Variants in PLXND1 observed in about 807,000 individuals in gnomAD.
The protein encoded by PLXND1 is plexin D1, also known as plexin-D1.
Under a neutral mutation model 197.7 loss-of-function variants are expected in PLXND1, and 54 were observed. The ratio of observed to expected loss-of-function variants is 0.27; its 90% CI spans 0.22 to 0.34. PLXND1 has a LOEUF of 0.34. PLXND1 is among the 10% of genes least tolerant of loss of function. PLXND1 has a pLI of 1.00. For synonymous variants in PLXND1, 1,180 were observed against 1,161.2 expected (o/e 1.02, Z -0.33); for missense variants, 2,127 against 2,699.2 (o/e 0.79, Z 4.70).
rs2084992222 is a variant in PLXND1, at chr3:129,557,503, G to A, written c.5446-280C>T. Among the ~76,000 whole-genome samples, 1 of 152,132 alleles carries A rather than the reference G, an allele frequency of 6.6e-6. No homozygotes were observed. The highest frequency in any genetic ancestry group is 2.1e-4 in the South Asian group (1 of 4,818). On this transcript the variant is annotated intron_variant, in intron 33 of 35. Transcript: ENST00000324093. The surrounding 1 kb of genome is among the most constrained non-coding windows in gnomAD (Gnocchi z 4.8). The stretch of plus-strand genomic sequence containing the variant: ...ACTTCTTTCAGGGGAAAAGTGCACG[G>A]GCATGCCAGCTCTTCACTGCACGCA...
chr3:129,563,876 T>G (rs1203674972), intron 25 of PLXND1, among the ~76,000 whole-genome samples: 1 of 152,212 alleles, frequency 6.6e-6, no homozygotes, highest in Admixed American at 6.5e-5. Flanking sequence ...AAAAATTGAT[T>G]TAAAGAAAAA....
chr3:129,564,521 G>A (rs956320425), intron 25 of PLXND1, among the ~76,000 whole-genome samples: 2 of 152,200 alleles, frequency 1.3e-5, no homozygotes, highest in African/African-American at 2.4e-5. Context: ...CCGAGGCCCC[G>A]GTTCTGGGCT....
chr3:129,589,306 A>AGGCGGG, intron 2 of PLXND1, 45 bp downstream of exon 2: 1 of 677,830 alleles, frequency 1.5e-6, no homozygotes. Context: ...CTCCCAGGGG[A>AGGCGGG]GCCTCCCACC....
chr3:129,563,878 A>G (rs777364561), intron 25 of PLXND1, among the ~76,000 whole-genome samples: 3 of 152,268 alleles, frequency 2.0e-5, no homozygotes, highest in Non-Finnish European at 4.4e-5. Context: ...AAATTGATTT[A>G]AAGAAAAATT....
At chr3:129,570,742 G>A in intron 19 of PLXND1, 44 bp downstream of exon 19, 1 of 1,598,732 alleles carries the variant, frequency 6.3e-7, no homozygotes, top group Non-Finnish European at 8.6e-7. Flanking sequence ...GATGGGCCAG[G>A]GGTGGGGCCA....
At chr3:129,597,926 G>A (rs1377152781) in intron 1 of PLXND1, among the ~76,000 whole-genome samples, 2 of 152,188 alleles carry the variant, frequency 1.3e-5, no homozygotes, top group Non-Finnish European at 2.9e-5. Flanking sequence ...AGGCCCTCGG[G>A]AGTTACCTGG....
chr3:129,592,427 G>A (rs989669815), intron 1 of PLXND1, among the ~76,000 whole-genome samples: 1 of 152,258 alleles, frequency 6.6e-6, no homozygotes, highest in East Asian at 1.9e-4. Flanking sequence ...CTCCCACCAA[G>A]GGAACATAAG....
At chr3:129,593,630 A>G (rs751186171) in intron 1 of PLXND1, among the ~76,000 whole-genome samples, 3 of 152,230 alleles carry the variant, frequency 2.0e-5, no homozygotes, top group Non-Finnish European at 2.9e-5. Flanking sequence ...AATTTTGACT[A>G]AAGTGTGAAC....
chr3:129,584,153 G>A lies in PLXND1; in HGVS notation c.2110C>T (p.Arg704Cys), dbSNP rs374324498. 4.3e-5 allele frequency: 68 copies of A among 1,567,702 alleles called. No homozygotes were observed. In the African/African-American group the frequency reaches 5.3e-4, roughly 12 times the overall value. Reference sequence around the variant, plus strand: ...GTGTGGGGGTACACTTGTGCAGTGCGGCTGCAGTCGTAGATGGTGAAATTG... The same window carrying A: ...GTGTGGGGGTACACTTGTGCAGTGCAGCTGCAGTCGTAGATGGTGAAATTG... ...KANFTIYDCSRTAQVYPHTAC... is the reference protein window; with the variant it reads ...KANFTIYDCSCTAQVYPHTAC... Residue 704 changes from arginine (R) to cysteine (C), a missense_variant, in exon 7 of 36, where the codon CGC becomes TGC. Around this residue, in one of 6 missense-constraint regions of PLXND1, gnomAD observed 1,095 missense variants for 1,259.8 expected, o/e 0.87. Transcript: ENST00000324093.
intron 9 of PLXND1, 136 bp from the exon 10 acceptor site, chr3:129,575,991 C>A: frequency 1.5e-6 from 1 of 650,834 alleles, no homozygotes; most frequent in Non-Finnish European, 2.8e-6. Context: ...TTTGCATGGG[C>A]TGTCCCGTCC....
chr3:129,606,357 C>G lies in PLXND1; in HGVS notation c.283G>C (p.Val95Leu). The change falls in exon 1 of 36, where the codon GTG becomes CTG. Residue 95 changes from valine (V) to leucine (L), a missense_variant. Transcript: ENST00000324093. ...AGCGGGCTGTCGGGCACCGGGCCCA[C>G]GGCCGCCTCGGCCTCCAGGCTCAGG... ...ANLSLEAEAA[V>L]GPVPDSPLCH... The G allele has an allele frequency of 6.8e-7, 1 of 1,469,504 alleles. No homozygotes were observed. The highest frequency in any genetic ancestry group is 8.9e-7 in the Non-Finnish European group (1 of 1,119,554). The allele number at this position is 1,469,504 out of a possible 1,614,324, so 91.0% of individuals were successfully genotyped here.
rs1486073839 is a variant in PLXND1, at chr3:129,577,545, T to G, written c.2346+784A>C. Reference sequence around the variant, plus strand: ...ACGAGGCTTCCCGACACATCCCAGATGCCCGGCACGTGGCCACCACGTGTG... The same window carrying G: ...ACGAGGCTTCCCGACACATCCCAGAGGCCCGGCACGTGGCCACCACGTGTG... On this transcript the variant is annotated intron_variant, in intron 9 of 35. Coordinates refer to ENST00000324093, the MANE Select transcript of PLXND1 (RefSeq NM_015103.3). This position sits in a 1 kb window ranked among gnomAD's most constrained non-coding sequence, Gnocchi z 5.0. Among the ~76,000 whole-genome samples, 1 of 151,874 alleles carries G rather than the reference T, an allele frequency of 6.6e-6. No homozygotes were observed. The highest frequency in any genetic ancestry group is 1.5e-5 in the Non-Finnish European group (1 of 67,942).
chr3:129,573,834 A>G, intron 12 of PLXND1, 89 bp from the exon 13 acceptor site: 1 of 1,426,496 alleles, frequency 7.0e-7, no homozygotes, highest in Non-Finnish European at 9.5e-7. Context: ...CCAGCAGGGC[A>G]CAGCCGTGCA....
chr3:129,583,690 T>A, intron 7 of PLXND1, 21 bp from the exon 8 acceptor site: 1 of 1,545,892 alleles, frequency 6.5e-7, no homozygotes, highest in Non-Finnish European at 8.9e-7. Context: ...AGGAGGCCCC[T>A]CAACTCCTGG....
In PLXND1 at chr3:129,605,492, G is replaced by A; in HGVS notation, c.1148C>T (p.Ala383Val). The A allele has an allele frequency of 6.7e-7, 1 of 1,494,528 alleles. No individual in the cohort carries two copies. The highest frequency in any genetic ancestry group is 8.8e-7 in the Non-Finnish European group (1 of 1,130,842). The allele number at this position is 1,494,528 out of a possible 1,614,324, so 92.6% of individuals were successfully genotyped here. The stretch of plus-strand genomic sequence containing the variant: ...GAAGGCGCAGAGTGCGGCCGGAGCA[G>A]CGCGGGCCGCGGGGGACCCCTGGGG... ...ERPQGSPAAR[A>V]APAALCAFRF... is the part of the protein sequence containing the mutation. Residue 383 changes from alanine to valine, a missense_variant, in exon 1 of 36, where the codon GCT becomes GTT. Transcript: ENST00000324093.
Position 129,606,525 on chromosome 3 carries a change from G to C in PLXND1, c.115C>G (p.Leu39Val). 3 of 1,370,332 alleles carry C rather than the reference G, an allele frequency of 2.2e-6. No homozygotes were observed. Among genetic ancestry groups the C allele is most frequent in the Non-Finnish European group, 2.8e-6 (3 of 1,064,234 alleles). The allele number at this position is 1,370,332 out of a possible 1,614,324, so 84.9% of individuals were successfully genotyped here. A position where few individuals can be genotyped will look rare whatever the true frequency, so the allele number is the denominator to read the frequency against. ...AGGGCGCCGGCCCGCGCCGCCCCCA[G>C]GAGCAGCAGCAACAGCAGCGGCACC... The part of the protein sequence containing the change: ...CPVPLLLLLL[L>V]GAARAGALEI... Residue 39 changes from leucine to valine, a missense_variant, in exon 1 of 36, where the codon CTG (leucine) becomes GTG (valine). Transcript: ENST00000324093.
rs1158308207 is a variant in PLXND1 at position 129,577,624 on chromosome 3, G to C, written c.2346+705C>G. On this transcript the variant is annotated intron_variant, in intron 9 of 35. Coordinates refer to ENST00000324093, the MANE Select transcript of PLXND1 (RefSeq NM_015103.3). This position sits in a 1 kb window ranked among gnomAD's most constrained non-coding sequence, Gnocchi z 5.0. Reference sequence around the variant, plus strand: ...TGGAAGTAACAGATGGCGAGTTCCAGGGAGGTGGGGAGGGGGGTGGCTGGC... The same window carrying C: ...TGGAAGTAACAGATGGCGAGTTCCACGGAGGTGGGGAGGGGGGTGGCTGGC... Among the ~76,000 whole-genome samples, 4 of 152,156 alleles carry C rather than the reference G, an allele frequency of 2.6e-5. No homozygotes were observed. Among genetic ancestry groups the C allele is most frequent in the South Asian group, 2.1e-4 (1 of 4,836 alleles).
intron 25 of PLXND1, among the ~76,000 whole-genome samples, chr3:129,564,077 G>A (rs543267870): frequency 6.6e-6 from 1 of 152,310 alleles, no homozygotes; most frequent in South Asian, 2.1e-4. Context: ...TGAGGTCCAG[G>A]GTCCACAGTG....
In PLXND1 at chr3:129,567,983, C is replaced by T. The variant is rs751393080; in HGVS notation, c.3866-178G>A. 5.3e-5 allele frequency among the ~76,000 whole-genome samples: 8 copies of T among 151,814 alleles called. No individual in the cohort carries two copies. In the East Asian group the frequency reaches 7.8e-4, roughly 15 times the overall value. On this transcript the variant is annotated intron_variant, in intron 20 of 35. Transcript: ENST00000324093. ...GGTGGGGAGTTGCGGGGAGCTCTCC[C>T]GTGGACAGAGGGCTTGGGGAATGGC... is the stretch of plus-strand genomic sequence containing the variant.
Sources: allele counts gnomAD v4.1 joint callset (sites outside exome capture counted in the v4.1 genomes callset), GRCh38; gene constraint gnomAD v4.1.1; regional missense constraint gnomAD v4.1.1; non-coding constraint Gnocchi (gnomAD v3.1); transcripts MANE v1.5; gene names NCBI Gene and HGNC (gene_info 2026-07-23, HGNC 2026-07-21).